Variants in PPIB observed in about 807,000 individuals in gnomAD.
PPIB encodes peptidyl-prolyl cis-trans isomerase B.
PPIB carries 15 observed loss-of-function variants against 20.1 expected under a neutral mutation model. The ratio of observed to expected loss-of-function variants is 0.75; its 90% confidence interval spans 0.50 to 1.15. The LOEUF is 1.15. Ranked by LOEUF, PPIB falls within the 50% of genes most tolerant of loss-of-function variation. PPIB has a pLI of 0.00. For synonymous variants in PPIB, 129 were observed against 111.0 expected, an observed-to-expected ratio of 1.16 and a Z score of -1.02; for missense variants, 278 against 283.0, an observed-to-expected ratio of 0.98 and a Z score of 0.13.
Position 64,156,350 on chromosome 15 carries a change from T to C in PPIB, c.529-205A>G. 1 of 742,786 alleles carries C rather than the reference T, an allele frequency of 1.3e-6. No individual in the cohort carries two copies. The highest frequency in any genetic ancestry group is 2.3e-6 in the Non-Finnish European group (1 of 443,250). 46.0% of individuals were successfully genotyped at this position (742,786 alleles called of 1,614,324 possible). On this transcript the variant is annotated intron_variant, in intron 4 of 4. Coordinates refer to ENST00000300026, the MANE Select transcript of PPIB (RefSeq NM_000942.5). The surrounding 1 kb of genome is among the most constrained non-coding windows in gnomAD (Gnocchi z 6.4). ...CGAGGGGGTACAGGAATTTTGTTCCTTTGAAGTAAGACCCAGGTTGGGCCA... is the reference window on the plus strand; with the variant it reads ...CGAGGGGGTACAGGAATTTTGTTCCCTTGAAGTAAGACCCAGGTTGGGCCA...
chr15:64,161,556 T>A lies in PPIB; in HGVS notation c.249+485A>T, dbSNP rs1165777144. Among the ~76,000 whole-genome samples the A allele has an allele frequency of 6.6e-6, 1 of 151,934 alleles. No homozygotes were observed. Among genetic ancestry groups the A allele is most frequent in the Non-Finnish European group, 1.5e-5 (1 of 67,992 alleles). ...GCCTGGCCAACATGGTGAAACCCTG[T>A]CACTACTAAAAATACAAAATTAGCC... is the stretch of plus-strand genomic sequence containing the variant. On this transcript the variant is annotated intron_variant, in intron 2 of 4. Transcript: ENST00000300026. The surrounding 1 kb of genome is among the most constrained non-coding windows in gnomAD (Gnocchi z 4.2).
Position 64,156,445 on chromosome 15 carries a change from T to C in PPIB, c.528+280A>G, listed in dbSNP as rs2081532076. On this transcript the variant is annotated intron_variant, in intron 4 of 4. Transcript: ENST00000300026. This position sits in a 1 kb window ranked among gnomAD's most constrained non-coding sequence, Gnocchi z 6.4. ...AGGGACATTGCGTTCAGCTGCACTC[T>C]GTATACCTCAGGGGTGGGACCAGCA... 1.6e-6 allele frequency: 1 copy of C among 616,394 alleles called. No homozygotes were observed. The highest frequency in any genetic ancestry group is 1.8e-5 in the African/African-American group (1 of 54,456). 38.2% of individuals were successfully genotyped at this position (616,394 alleles called of 1,614,324 possible).
rs2081550925 is a variant in PPIB at position 64,159,083 on chromosome 15, C to T, written c.343+1021G>A. Reference sequence around the variant, plus strand: ...TGCGTCTGACTCCACAAATACAGTTCTTTGGTCTCCTTTGTGAGCCTGAGT... The same window carrying T: ...TGCGTCTGACTCCACAAATACAGTTTTTTGGTCTCCTTTGTGAGCCTGAGT... On this transcript the variant is annotated intron_variant, in intron 3 of 4. Coordinates refer to ENST00000300026, the MANE Select transcript of PPIB (RefSeq NM_000942.5). This position sits in a 1 kb window ranked among gnomAD's most constrained non-coding sequence, Gnocchi z 5.1. Among the ~76,000 whole-genome samples the T allele has an allele frequency of 6.6e-6, 1 of 152,232 alleles. No individual in the cohort carries two copies. The highest frequency in any genetic ancestry group is 2.4e-5 in the African/African-American group (1 of 41,458).
In PPIB at chr15:64,156,746, A is replaced by C; in HGVS notation, c.507T>G (p.Phe169Leu). 6.2e-7 allele frequency: 1 copy of C among 1,614,180 alleles called. No individual in the cohort carries two copies. Among genetic ancestry groups the C allele is most frequent in the South Asian group, 1.1e-5 (1 of 91,074 alleles). ...TAWLDGKHVV[F>L]GKVLEGMEVV... ...TCACCATGCCCTCTAGAACTTTGCC[A>C]AACACCACATGCTTGCCATCTAGCC... Residue 169 changes from phenylalanine (F) to leucine (L), a missense_variant, in exon 4 of 5, where the codon TTT becomes TTG. Coordinates refer to ENST00000300026, the MANE Select transcript of PPIB (RefSeq NM_000942.5). This position sits in a 1 kb window ranked among gnomAD's most constrained non-coding sequence, Gnocchi z 6.4.
chr15:64,162,286 A>C (rs752978441), intron 1 of PPIB, 132 bp from the exon 2 acceptor site: 1 of 760,306 alleles, frequency 1.3e-6, no homozygotes, highest in East Asian at 2.5e-5. Flanking sequence ...TCTGAATCTG[A>C]TTTTGGTGAC....
Position 64,155,833 on chromosome 15 carries a change from A to C in PPIB, c.*190T>G, listed in dbSNP as rs113626158. 39 of 792,740 alleles carry C rather than the reference A, an allele frequency of 4.9e-5. No individual in the cohort carries two copies. Among genetic ancestry groups the C allele is most frequent in the East Asian group, 3.1e-4 (11 of 36,044 alleles). 49.1% of individuals were successfully genotyped at this position (792,740 alleles called of 1,614,324 possible). A position where few individuals can be genotyped will look rare whatever the true frequency, so the allele number is the denominator to read the frequency against. ...CACATTATATATTAAAAAAAAAAAA[A>C]CCCACATTTTTTTTTATTGGTCAGT... On this transcript the variant is annotated 3_prime_UTR_variant, in exon 5 of 5. Transcript: ENST00000300026.
Position 64,162,979 on chromosome 15 carries a change from C to T in PPIB, c.8G>A (p.Arg3His), listed in dbSNP as rs1266129787. Reference protein sequence around the residue: MLRLSERNMKVLL... With the variant: MLHLSERNMKVLL... ...CACCTTCATGTTGCGTTCGGAGAGG[C>T]GCAGCATCCACAGGCGGAGGCGAAA... Residue 3 changes from arginine (R) to histidine (H), a missense_variant, in exon 1 of 5, where the codon CGC (arginine) becomes CAC (histidine). Coordinates refer to ENST00000300026, the MANE Select transcript of PPIB (RefSeq NM_000942.5). The T allele has an allele frequency of 1.2e-6, 2 of 1,612,926 alleles. No homozygotes were observed. The highest frequency in any genetic ancestry group is 2.7e-5 in the African/African-American group (2 of 74,896).
Position 64,161,283 on chromosome 15 carries a change from T to A in PPIB, c.249+758A>T, listed in dbSNP as rs778084949. Among the ~76,000 whole-genome samples the A allele has an allele frequency of 6.2e-4, 94 of 150,994 alleles. 2 individuals are homozygous for A. The highest frequency in any genetic ancestry group is 2.7e-4 in the Non-Finnish European group (18 of 67,696). On this transcript the variant is annotated intron_variant, in intron 2 of 4. Transcript: ENST00000300026. This position sits in a 1 kb window ranked among gnomAD's most constrained non-coding sequence, Gnocchi z 4.2. Reference sequence around the variant, plus strand: ...GGCCTTTTATTTTTAATTAATTTATTTTTTTTTTGAGACAGGGTCTCACTC... The same window carrying A: ...GGCCTTTTATTTTTAATTAATTTATATTTTTTTTGAGACAGGGTCTCACTC...
chr15:64,155,833 A>AAC lies in PPIB; in HGVS notation c.*189_*190insGT. 1.6e-5 allele frequency: 13 copies of AAC among 792,736 alleles called. No homozygotes were observed. Among genetic ancestry groups the AAC allele is most frequent in the South Asian group, 5.1e-5 (3 of 58,922 alleles). The allele number at this position is 792,736 out of a possible 1,614,324, so 49.1% of individuals were successfully genotyped here. Reference sequence around the variant, plus strand: ...CACATTATATATTAAAAAAAAAAAAACCCACATTTTTTTTTATTGGTCAGT... The same window carrying AAC: ...CACATTATATATTAAAAAAAAAAAAAACCCCACATTTTTTTTTATTGGTCAGT... On this transcript the variant is annotated 3_prime_UTR_variant, in exon 5 of 5. Transcript: ENST00000300026.
Position 64,163,010 on chromosome 15 carries a change from C to G in PPIB, c.-24G>C. On this transcript the variant is annotated 5_prime_UTR_variant, in exon 1 of 5. Transcript: ENST00000300026. The stretch of plus-strand genomic sequence containing the variant: ...ATCCACAGGCGGAGGCGAAAGCAGC[C>G]CGGACAGCTGAGGCCGGAAGAGGGT... The G allele has an allele frequency of 6.2e-7, 1 of 1,610,904 alleles. No homozygotes were observed. The highest frequency in any genetic ancestry group is 2.2e-5 in the East Asian group (1 of 44,794).
At position 64,162,026 on chromosome 15, in the gene PPIB, G is replaced by C; in HGVS notation, c.249+15C>G. On this transcript the variant is annotated intron_variant, in intron 2 of 4. Coordinates refer to ENST00000300026, the MANE Select transcript of PPIB (RefSeq NM_000942.5). ...CACTTCATGTGAGTTGACTACCCCT[G>C]CTCCAGCCACTTACCTCTCCTGTAG... is the stretch of plus-strand genomic sequence containing the variant. The C allele has an allele frequency of 6.3e-7, 1 of 1,579,358 alleles. No homozygotes were observed. Among genetic ancestry groups the C allele is most frequent in the African/African-American group, 1.3e-5 (1 of 74,284 alleles).
Position 64,160,253 on chromosome 15 carries a change from C to G in PPIB, c.250-56G>C, listed in dbSNP as rs765349774. 1.5e-6 allele frequency: 2 copies of G among 1,375,626 alleles called. No individual in the cohort carries two copies. The highest frequency in any genetic ancestry group is 2.1e-6 in the Non-Finnish European group (2 of 963,256). The allele number at this position is 1,375,626 out of a possible 1,614,324, so 85.2% of individuals were successfully genotyped here. ...GGTATGGGGCAGCAGGAAGACATTA[C>G]ATTAAATAGGCCTCACAGGAACAAG... On this transcript the variant is annotated intron_variant, in intron 2 of 4. Coordinates refer to ENST00000300026, the MANE Select transcript of PPIB (RefSeq NM_000942.5). This position sits in a 1 kb window ranked among gnomAD's most constrained non-coding sequence, Gnocchi z 4.8.
rs1422376144 is a variant in PPIB at position 64,161,281 on chromosome 15, A to AT, written c.249+759dup. 3.3e-4 allele frequency among the ~76,000 whole-genome samples: 49 copies of AT among 146,578 alleles called. No individual in the cohort carries two copies. Among genetic ancestry groups the AT allele is most frequent in the Non-Finnish European group, 4.4e-4 (29 of 66,268 alleles). ...CCGGCCTTTTATTTTTAATTAATTT[A>AT]TTTTTTTTTTGAGACAGGGTCTCAC... On this transcript the variant is annotated intron_variant, in intron 2 of 4. Coordinates refer to ENST00000300026, the MANE Select transcript of PPIB (RefSeq NM_000942.5). The surrounding 1 kb of genome is among the most constrained non-coding windows in gnomAD (Gnocchi z 4.2).
Position 64,160,024 on chromosome 15 carries a change from TG to T in PPIB, c.343+79del. On this transcript the variant is annotated intron_variant, in intron 3 of 4. Coordinates refer to ENST00000300026, the MANE Select transcript of PPIB (RefSeq NM_000942.5). This position sits in a 1 kb window ranked among gnomAD's most constrained non-coding sequence, Gnocchi z 4.8. ...TCTAGAGCTGGGGAAGAAAGAGGCC[TG>T]GTCTCCCCAGCAGAACCTGGCCCTC... 8.0e-7 allele frequency: 1 copy of T among 1,244,710 alleles called. No homozygotes were observed. The highest frequency in any genetic ancestry group is 1.2e-6 in the Non-Finnish European group (1 of 844,984). 77.1% of individuals were successfully genotyped at this position (1,244,710 alleles called of 1,614,324 possible). A position where few individuals can be genotyped will look rare whatever the true frequency, so the allele number is the denominator to read the frequency against.
rs1315822220 is a variant in PPIB at position 64,157,958 on chromosome 15, G to T, written c.344-1049C>A. On this transcript the variant is annotated intron_variant, in intron 3 of 4. Coordinates refer to ENST00000300026, the MANE Select transcript of PPIB (RefSeq NM_000942.5). This position sits in a 1 kb window ranked among gnomAD's most constrained non-coding sequence, Gnocchi z 4.2. The stretch of plus-strand genomic sequence containing the variant: ...GACTGGACTCTGCCACATGTGCAGT[G>T]AGACCTGGCTGGAGTGCTGGCTAAA... Among the ~76,000 whole-genome samples the T allele has an allele frequency of 2.0e-5, 3 of 152,188 alleles. No homozygotes were observed. Among genetic ancestry groups the T allele is most frequent in the Non-Finnish European group, 4.4e-5 (3 of 68,038 alleles).
chr15:64,162,460 TA>T (rs1253577349), intron 1 of PPIB, among the ~76,000 whole-genome samples: 1 of 152,228 alleles, frequency 6.6e-6, no homozygotes, highest in Admixed American at 6.5e-5. Context: ...GAGCGGAGCC[TA>T]AGTTCACCAC....
Position 64,162,730 on chromosome 15 carries a change from G to A in PPIB, c.135+122C>T. 11 of 1,487,942 alleles carry A rather than the reference G, an allele frequency of 7.4e-6. No homozygotes were observed. In the South Asian group the frequency reaches 1.2e-4, roughly 16 times the overall value. 92.2% of individuals were successfully genotyped at this position (1,487,942 alleles called of 1,614,324 possible). On this transcript the variant is annotated intron_variant, in intron 1 of 4. Transcript: ENST00000300026. ...GGTCGTTCCCTGGACTGAATGGGCA[G>A]GACGGCCCAGACGCCACGAGGCCAC... is the stretch of plus-strand genomic sequence containing the variant.
rs1262532611 is a variant in PPIB, at chr15:64,157,887, C to G, written c.344-978G>C. ...ATGACCAGACTCTGGCTGGTGGGGACAGGGTGCTTCTGCCTGTGCTCCACC... is the reference window on the plus strand; with the variant it reads ...ATGACCAGACTCTGGCTGGTGGGGAGAGGGTGCTTCTGCCTGTGCTCCACC... On this transcript the variant is annotated intron_variant, in intron 3 of 4. Transcript: ENST00000300026. This position sits in a 1 kb window ranked among gnomAD's most constrained non-coding sequence, Gnocchi z 4.2. Among the ~76,000 whole-genome samples the G allele has an allele frequency of 2.0e-5, 3 of 152,164 alleles. No individual in the cohort carries two copies. Among genetic ancestry groups the G allele is most frequent in the African/African-American group, 7.2e-5 (3 of 41,430 alleles).
chr15:64,155,820 T>A lies in PPIB; in HGVS notation c.*203A>T, dbSNP rs1429932364. 9 of 532,292 alleles carry A rather than the reference T, an allele frequency of 1.7e-5. No individual in the cohort carries two copies. In the East Asian group the frequency reaches 1.9e-4, roughly 11 times the overall value. The allele number at this position is 532,292 out of a possible 1,614,324, so 33.0% of individuals were successfully genotyped here. A position where few individuals can be genotyped will look rare whatever the true frequency, so the allele number is the denominator to read the frequency against. ...AGAACCAGGCCCACACATTATATAT[T>A]AAAAAAAAAAAAACCCACATTTTTT... On this transcript the variant is annotated 3_prime_UTR_variant, in exon 5 of 5. Coordinates refer to ENST00000300026, the MANE Select transcript of PPIB (RefSeq NM_000942.5).
Sources: allele counts gnomAD v4.1 joint callset (sites outside exome capture counted in the v4.1 genomes callset), GRCh38; gene constraint gnomAD v4.1.1; non-coding constraint Gnocchi (gnomAD v3.1); transcripts MANE v1.5; gene names NCBI Gene and HGNC (gene_info 2026-07-23, HGNC 2026-07-21).